LRRC4C: variants seen among roughly 807,000 people sequenced by gnomAD.
LRRC4C encodes the protein leucine-rich repeat-containing protein 4C.
In LRRC4C, 5 loss-of-function variants were observed where a neutral mutation model predicts 33.6. The observed-to-expected ratio is 0.15, with a 90% CI of 0.08 to 0.31. LRRC4C has a LOEUF of 0.31. LRRC4C is among the 10% of genes least tolerant of loss of function. The pLI, the probability that LRRC4C is intolerant of heterozygous loss-of-function variation, is 1.00. For missense variants in LRRC4C, 560 were observed against 796.7 expected, an observed-to-expected ratio of 0.70 and a Z score of 3.58; for synonymous variants, 329 against 302.0, an observed-to-expected ratio of 1.09 and a Z score of -0.93.
intron 2 of LRRC4C, among the ~76,000 whole-genome samples, chr11:40,709,734 T>G (rs1367157736): frequency 1.3e-5 from 2 of 152,180 alleles, no homozygotes; most frequent in Admixed American, 6.5e-5. Flanking sequence ...AATGTTGGCT[T>G]GCCTTGCTAG....
chr11:41,158,998 C>T (rs1944349926), intron 1 of LRRC4C, among the ~76,000 whole-genome samples: 1 of 151,990 alleles, frequency 6.6e-6, no homozygotes, highest in Non-Finnish European at 1.5e-5. Context: ...AGTTAAAACT[C>T]AATAGGCCAG....
At chr11:40,657,857 C>T (rs1388435067) in intron 2 of LRRC4C, among the ~76,000 whole-genome samples, 1 of 152,118 alleles carries the variant, frequency 6.6e-6, no homozygotes, top group African/African-American at 2.4e-5. Flanking sequence ...CTTTGGGGCT[C>T]ACAAGGGGAA....
At chr11:40,952,778 G>A (rs1291290487) in intron 1 of LRRC4C, among the ~76,000 whole-genome samples, 3 of 150,952 alleles carry the variant, frequency 2.0e-5, no homozygotes, top group South Asian at 4.2e-4. Context: ...TTGTACTTGT[G>A]AATCACTGGT....
chr11:41,373,617 T>C (rs1016243445), intron 1 of LRRC4C, among the ~76,000 whole-genome samples: 3 of 152,142 alleles, frequency 2.0e-5, no homozygotes, highest in African/African-American at 7.2e-5. Flanking sequence ...CAGGTGGCAA[T>C]GTAGGACTTG....
intron 6 of LRRC4C, among the ~76,000 whole-genome samples, chr11:40,117,169 T>C (rs1051696463): frequency 6.6e-6 from 1 of 152,202 alleles, no homozygotes; most frequent in Non-Finnish European, 1.5e-5. Flanking sequence ...TCTCAGATGG[T>C]CCATAAAAAT....
intron 3 of LRRC4C, among the ~76,000 whole-genome samples, chr11:40,490,392 A>G (rs1390445386): frequency 6.6e-6 from 1 of 152,150 alleles, no homozygotes; most frequent in Non-Finnish European, 1.5e-5. Flanking sequence ...CTGTAATGAA[A>G]TTCTGAATGT....
chr11:40,367,197 T>C (rs1427786428), intron 3 of LRRC4C, among the ~76,000 whole-genome samples: 1 of 152,126 alleles, frequency 6.6e-6, no homozygotes, highest in African/African-American at 2.4e-5. Flanking sequence ...ATTAATTTAA[T>C]TTCTTGTTTA....
intron 1 of LRRC4C, among the ~76,000 whole-genome samples, chr11:41,419,590 C>T (rs13377257): frequency 0.031 from 4,654 of 151,852 alleles, 259 homozygotes; most frequent in African/African-American, 0.11. Flanking sequence ...GTAACTAATG[C>T]CAAGAGTTTC....
At chr11:40,156,014 T>C (rs1218775983) in intron 5 of LRRC4C, among the ~76,000 whole-genome samples, 2 of 152,004 alleles carry the variant, frequency 1.3e-5, no homozygotes, top group Non-Finnish European at 2.9e-5. Context: ...TGATCAAGTG[T>C]GTCTCATACC....
At chr11:40,604,833 A>G (rs747470414) in intron 3 of LRRC4C, among the ~76,000 whole-genome samples, 3 of 152,058 alleles carry the variant, frequency 2.0e-5, no homozygotes, top group Non-Finnish European at 4.4e-5. Flanking sequence ...AAGGGAAAGA[A>G]AAAGAATAAA....
intron 2 of LRRC4C, among the ~76,000 whole-genome samples, chr11:40,839,273 C>A (rs1227247379): frequency 1.3e-5 from 2 of 152,026 alleles, no homozygotes; most frequent in Admixed American, 6.6e-5. Context: ...CTCACTCTGT[C>A]GCCCAGGCTG....
chr11:40,615,221 C>T (rs992961375), intron 3 of LRRC4C, among the ~76,000 whole-genome samples: 4 of 122,452 alleles, frequency 3.3e-5, no homozygotes, highest in African/African-American at 1.3e-4. Context: ...TGCAATCACT[C>T]GATGCATTGA....
chr11:40,247,129 C>G (rs1866406013), intron 4 of LRRC4C, among the ~76,000 whole-genome samples: 1 of 150,474 alleles, frequency 6.6e-6, no homozygotes, highest in Non-Finnish European at 1.5e-5. Flanking sequence ...TTTTTTTTAA[C>G]TAATTTAAAT....
chr11:40,807,608 G>A (rs899491169), intron 2 of LRRC4C, among the ~76,000 whole-genome samples: 1 of 152,210 alleles, frequency 6.6e-6, no homozygotes, highest in Non-Finnish European at 1.5e-5. Context: ...GTTCAGAGGA[G>A]CAAATGGAGC....
intron 5 of LRRC4C, among the ~76,000 whole-genome samples, chr11:40,236,443 T>C (rs1865563666): frequency 6.6e-6 from 1 of 152,186 alleles, no homozygotes; most frequent in Non-Finnish European, 1.5e-5. Context: ...GCTTATGATA[T>C]ATCAGTAGAA....
chr11:40,398,013 G>A (rs1188830415), intron 3 of LRRC4C, among the ~76,000 whole-genome samples: 1 of 152,014 alleles, frequency 6.6e-6, no homozygotes, highest in African/African-American at 2.4e-5. Context: ...TAATTGTAAG[G>A]ATGGTTATAA....
chr11:40,640,964 C>T (rs1451092051), intron 3 of LRRC4C, among the ~76,000 whole-genome samples: 3 of 134,252 alleles, frequency 2.2e-5, no homozygotes, highest in African/African-American at 5.6e-5. Flanking sequence ...TGCAGTGAGC[C>T]TAGATTGCGC....
In LRRC4C at chr11:40,206,142, T is replaced by A. The variant is rs532410592; in HGVS notation, c.-96+35377A>T. ...GTGCCTAACACATCATATATCTCAA[T>A]AAATATAAAGATATAAAAATTGAGA... On this transcript the variant is annotated intron_variant, in intron 5 of 6. Coordinates refer to ENST00000528697, the MANE Select transcript of LRRC4C (RefSeq NM_001258419.2). Among the ~76,000 whole-genome samples the A allele has an allele frequency of 7.9e-5, 12 of 152,268 alleles. No individual in the cohort carries two copies. In the South Asian group the frequency reaches 2.5e-3, roughly 32 times the overall value.
intron 2 of LRRC4C, among the ~76,000 whole-genome samples, chr11:40,815,314 C>T (rs1020135893): frequency 2.0e-5 from 3 of 152,106 alleles, no homozygotes; most frequent in African/African-American, 7.2e-5. Flanking sequence ...ACAGGAAAAA[C>T]TTGCCCCTTA....
Sources: allele counts gnomAD v4.1 joint callset (sites outside exome capture counted in the v4.1 genomes callset), GRCh38; gene constraint gnomAD v4.1.1; transcripts MANE v1.5; gene names NCBI Gene and HGNC (gene_info 2026-07-23, HGNC 2026-07-21).